Variants in CALN1 observed in about 807,000 individuals in gnomAD.
CALN1 encodes calcium-binding protein 8.
Under a neutral mutation model 30.6 loss-of-function variants are expected in CALN1, and 17 were observed. The ratio of observed to expected loss-of-function variants is 0.56; its 90% confidence interval spans 0.38 to 0.83. The LOEUF is 0.83. Among genes scored for constraint, CALN1 ranks in the 40% least tolerant of loss-of-function variants. The probability of loss-of-function intolerance (pLI) is 0.00; values close to 1 mark genes in which losing one functional copy is unlikely to be tolerated. For synonymous variants in CALN1, 156 were observed against 131.4 expected (o/e 1.19, Z -1.28); for missense variants, 291 against 354.9 (o/e 0.82, Z 1.45).
chr7:72,109,051 C>A (rs1319522402), intron 3 of CALN1, among the ~76,000 whole-genome samples: 1 of 152,184 alleles, frequency 6.6e-6, no homozygotes, highest in Non-Finnish European at 1.5e-5. Flanking sequence ...GCGGTAAGCA[C>A]CTCCTACCCT....
chr7:72,056,006 C>A (rs1300904516), intron 4 of CALN1, among the ~76,000 whole-genome samples: 1 of 152,130 alleles, frequency 6.6e-6, no homozygotes, highest in Non-Finnish European at 1.5e-5. Context: ...GGCAACAGAG[C>A]AAGATCCTGT....
chr7:72,406,615 C>CTTTT, intron 1 of CALN1, among the ~76,000 whole-genome samples: 1 of 102,232 alleles, frequency 9.8e-6, no homozygotes, highest in South Asian at 3.7e-4. Flanking sequence ...TCCTTGTCAG[C>CTTTT]TTTTTTTTTT....
At chr7:72,287,769 A>G (rs971268165) in intron 2 of CALN1, among the ~76,000 whole-genome samples, 2 of 152,060 alleles carry the variant, frequency 1.3e-5, no homozygotes, top group East Asian at 1.9e-4. Context: ...ACTGCTCAAC[A>G]GTTTTCCATT....
intron 2 of CALN1, among the ~76,000 whole-genome samples, chr7:72,302,429 C>A (rs1340379541): frequency 1.3e-5 from 2 of 152,150 alleles, no homozygotes; most frequent in Non-Finnish European, 2.9e-5. Context: ...AGCAAGTGGT[C>A]TGGACATCAC....
At chr7:71,910,363 C>T (rs549193006) in intron 5 of CALN1, among the ~76,000 whole-genome samples, 2 of 152,348 alleles carry the variant, frequency 1.3e-5, no homozygotes, top group South Asian at 4.1e-4. Flanking sequence ...AGCCATACAT[C>T]CACATCTAAC....
chr7:71,948,239 G>C (rs1425634573), intron 5 of CALN1, among the ~76,000 whole-genome samples: 1 of 152,204 alleles, frequency 6.6e-6, no homozygotes, highest in East Asian at 1.9e-4. Flanking sequence ...TTCTGAGTGG[G>C]GGGGAAGAGG....
At chr7:71,947,765 A>T (rs922141336) in intron 5 of CALN1, among the ~76,000 whole-genome samples, 1 of 151,832 alleles carries the variant, frequency 6.6e-6, no homozygotes, top group African/African-American at 2.4e-5. Context: ...ACATGGTGAA[A>T]CCCTGCCTCT....
intron 3 of CALN1, among the ~76,000 whole-genome samples, chr7:72,258,879 C>A (rs1796096621): frequency 6.7e-6 from 1 of 150,112 alleles, no homozygotes; most frequent in South Asian, 2.1e-4. Flanking sequence ...ATGGTGAAAC[C>A]CTGTCTCTAC....
At chr7:72,234,049 G>T (rs1214706999) in intron 3 of CALN1, among the ~76,000 whole-genome samples, 1 of 151,930 alleles carries the variant, frequency 6.6e-6, no homozygotes, top group Non-Finnish European at 1.5e-5. Flanking sequence ...AATTAAGCTA[G>T]AAAAAGAGAA....
intron 3 of CALN1, among the ~76,000 whole-genome samples, chr7:72,167,979 T>G (rs1254997282): frequency 2.5e-4 from 38 of 152,198 alleles, no homozygotes. Flanking sequence ...TCCTAAGCAC[T>G]CTCAACAAGC....
At chr7:72,184,712 C>G (rs1215176614) in intron 3 of CALN1, among the ~76,000 whole-genome samples, 1 of 152,108 alleles carries the variant, frequency 6.6e-6, no homozygotes, top group Non-Finnish European at 1.5e-5. Context: ...TTTCAGAGCT[C>G]CAAAGGGGCC....
chr7:72,396,235 T>TAAAAAAAAAAAAAAAAAAAAAAAAAAA (rs55683543), intron 2 of CALN1, among the ~76,000 whole-genome samples: 8 of 53,342 alleles, frequency 1.5e-4, no homozygotes, highest in Non-Finnish European at 2.2e-4. Context: ...TTGTCTCTAC[T>TAAAAAAAAAAAAAAAAAAAAAAAAAAA]AAAAAAAAAA....
At chr7:72,466,530 G>A in the CALN1 span, among the ~76,000 whole-genome samples, 1 of 152,094 alleles carries the variant, frequency 6.6e-6, no homozygotes, top group Non-Finnish European at 1.5e-5. Context: ...AATCACCTAT[G>A]GTCAGGAGTT....
intron 2 of CALN1, among the ~76,000 whole-genome samples, chr7:72,323,329 C>T (rs766132120): frequency 7.2e-5 from 11 of 152,204 alleles, no homozygotes; most frequent in South Asian, 2.1e-4. Flanking sequence ...TGTGAAGCTA[C>T]GGATGTCAGG....
chr7:72,194,683 C>T (rs1279624055), intron 3 of CALN1, among the ~76,000 whole-genome samples: 2 of 151,060 alleles, frequency 1.3e-5, no homozygotes, highest in African/African-American at 4.9e-5. Context: ...CCTCTGCCCC[C>T]TGGGTTCAAG....
intron 2 of CALN1, among the ~76,000 whole-genome samples, chr7:72,351,143 C>CAAAT (rs111628723): frequency 3.4e-4 from 52 of 152,078 alleles, no homozygotes; most frequent in African/African-American, 1.2e-3. Context: ...AAAAAATAAA[C>CAAAT]AAATAAATAA....
chr7:72,370,698 A>G (rs950537384), intron 2 of CALN1, among the ~76,000 whole-genome samples: 18 of 152,028 alleles, frequency 1.2e-4, no homozygotes, highest in African/African-American at 4.3e-4. Flanking sequence ...GCAATTGACA[A>G]ATTTTTTTTC....
intron 4 of CALN1, among the ~76,000 whole-genome samples, chr7:72,070,752 C>T (rs370280317): frequency 6.6e-4 from 100 of 151,766 alleles, no homozygotes; most frequent in Middle Eastern, 3.4e-3. Context: ...ATTTTAATCT[C>T]GTCCCCCTGT....
At position 72,278,708 on chromosome 7, in the gene CALN1, A is replaced by G. The variant is rs1409079242; in HGVS notation, c.222T>C (p.Asn74=). ...SAGSDSEQLA[N]ISVEELDEIR... is the part of the protein sequence containing the mutation. ...TACCATCGAGCTCCTCCACGGAGAT[A>G]TTAGCCAGCTGTTCGCTGTCACTGC... The change falls in exon 3 of 7, where the codon AAT becomes AAC. Residue 74 remains asparagine (N), a synonymous_variant. Transcript: ENST00000395275. 6.2e-7 allele frequency: 1 copy of G among 1,613,836 alleles called. No homozygotes were observed. The highest frequency in any genetic ancestry group is 8.5e-7 in the Non-Finnish European group (1 of 1,179,772).
Sources: gnomAD v4.1 joint callset for allele counts (sites outside exome capture counted in the v4.1 genomes callset) on GRCh38, gnomAD v4.1.1 for gene constraint, MANE v1.5 for transcripts, NCBI Gene and HGNC (gene_info 2026-07-23, HGNC 2026-07-21) for gene names.